Variants in AKAP13 observed in about 807,000 individuals in gnomAD.
AKAP13 encodes the protein A-kinase anchor protein 13.
AKAP13 carries 80 observed loss-of-function variants against 264.5 expected under a neutral mutation model. The observed-to-expected ratio is 0.30, with a 90% CI of 0.25 to 0.36. The LOEUF (loss-of-function observed/expected upper bound fraction) is 0.36. Ranked by LOEUF, AKAP13 falls within the 10% of genes least tolerant of loss-of-function variation. AKAP13 has a pLI of 1.00. For synonymous variants in AKAP13, 1,380 were observed against 1,250.2 expected, an observed-to-expected ratio of 1.10 and a Z score of -2.19; for missense variants, 3,712 against 3,435.2, an observed-to-expected ratio of 1.08 and a Z score of -2.01.
In AKAP13 at chr15:85,543,808, T is replaced by C. The variant is rs753993449; in HGVS notation, c.515T>C (p.Val172Ala). ...CGAGAGACATTGATGCATTTTGCTG[T>C]GCGGCTGGGACTGCTGAGGTTGACG... ...GPRETLMHFA[V>A]RLGLLRLTWF... Residue 172 changes from valine (V) to alanine (A), a missense_variant, in exon 5 of 37, where the codon GTG (valine) becomes GCG (alanine). Physicochemically the swap from Val to Ala is moderately conservative, Grantham distance 64. Transcript: ENST00000394518. 19 of 1,613,440 alleles carry C rather than the reference T, an allele frequency of 1.2e-5. No individual in the cohort carries two copies. Among genetic ancestry groups the C allele is most frequent in the African/African-American group, 9.3e-5 (7 of 74,902 alleles).
At chr15:85,384,382 G>C (rs1415780326) in intron 1 of AKAP13, among the ~76,000 whole-genome samples, 1 of 152,202 alleles carries the variant, frequency 6.6e-6, no homozygotes, top group African/African-American at 2.4e-5. Flanking sequence ...CTGTCTTACT[G>C]CTGTAAATGG....
intron 2 of AKAP13, among the ~76,000 whole-genome samples, chr15:85,503,120 G>A (rs1477095597): frequency 1.3e-5 from 2 of 152,138 alleles, no homozygotes; most frequent in Non-Finnish European, 2.9e-5. Context: ...TTATGTCGTG[G>A]TAAGGGGATT....
chr15:85,710,623 C>T lies in AKAP13; in HGVS notation c.5577C>T (p.Pro1859=). 1 of 1,613,864 alleles carries T rather than the reference C, an allele frequency of 6.2e-7. No individual in the cohort carries two copies. The highest frequency in any genetic ancestry group is 1.1e-5 in the South Asian group (1 of 91,048). Residue 1859 remains proline, a synonymous_variant, in exon 19 of 37, where the codon CCC becomes CCT. Transcript: ENST00000394518. The part of the protein sequence containing the change: ...SLQAHDTSSL[P]TVIMRNKPSQ... ...AGGCACATGACACATCATCACTGCC[C>T]ACGGTCATTATGAGAAACAAGCGTA... is the stretch of plus-strand genomic sequence containing the variant.
chr15:85,690,254 G>A (rs902742538), intron 16 of AKAP13: 1 of 152,212 alleles, frequency 6.6e-6, no homozygotes, highest in Non-Finnish European at 1.5e-5. Flanking sequence ...GGTTTGAAGA[G>A]CATTGCAAGG....
intron 5 of AKAP13, among the ~76,000 whole-genome samples, chr15:85,552,735 C>A (rs2078003265): frequency 6.8e-6 from 1 of 146,616 alleles, no homozygotes; most frequent in African/African-American, 2.5e-5. Context: ...TCAAGTGATT[C>A]TTTTGCCTCA....
At position 85,581,978 on chromosome 15, in the gene AKAP13, C is replaced by T. The variant is rs1381218531; in HGVS notation, c.3910C>T (p.Pro1304Ser). Residue 1304 changes from proline (P) to serine (S), a missense_variant, in exon 7 of 37, where the codon CCA (proline) becomes TCA (serine). This residue lies in a region of AKAP13 where 2,759 missense variants were observed against 2,411.7 expected (regional missense o/e 1.14). Coordinates refer to ENST00000394518, the MANE Select transcript of AKAP13 (RefSeq NM_007200.5). ...TTTTACAGAAAAAGTGAGTACTTTCCCACCTGGGGAGAGCCTACCAATGGG... is the reference window on the plus strand; with the variant it reads ...TTTTACAGAAAAAGTGAGTACTTTCTCACCTGGGGAGAGCCTACCAATGGG... ...SAFTEKVSTF[P>S]PGESLPMGST... is the part of the protein sequence containing the mutation. 1.9e-6 allele frequency: 3 copies of T among 1,614,156 alleles called. No homozygotes were observed. In the South Asian group the frequency reaches 3.3e-5, roughly 18 times the overall value.
chr15:85,684,966 T>C, intron 16 of AKAP13, 93 bp downstream of exon 16: 1 of 1,379,472 alleles, frequency 7.2e-7, no homozygotes. Flanking sequence ...CATGGGGACA[T>C]AAATGGAAAT....
chr15:85,433,895 T>G (rs1352687017), intron 1 of AKAP13, among the ~76,000 whole-genome samples: 2 of 151,848 alleles, frequency 1.3e-5, no homozygotes, highest in East Asian at 3.9e-4. Context: ...GAGCCGAGAT[T>G]GTGCCATTGC....
chr15:85,566,547 C>A (rs1193334551), intron 5 of AKAP13, among the ~76,000 whole-genome samples: 1 of 149,330 alleles, frequency 6.7e-6, no homozygotes, highest in East Asian at 1.9e-4. Flanking sequence ...ATTGAATGGT[C>A]TTTTAATATT....
intron 3 of AKAP13, among the ~76,000 whole-genome samples, chr15:85,527,440 G>A (rs1185887527): frequency 1.3e-5 from 2 of 152,154 alleles, no homozygotes; most frequent in African/African-American, 4.8e-5. Context: ...ACAAATTTGT[G>A]GTATATCTGT....
chr15:85,590,582 T>A (rs576157407), intron 8 of AKAP13, among the ~76,000 whole-genome samples: 1 of 152,234 alleles, frequency 6.6e-6, no homozygotes, highest in African/African-American at 2.4e-5. Flanking sequence ...AACACAGGTA[T>A]GTGTTAAATG....
intron 1 of AKAP13, among the ~76,000 whole-genome samples, chr15:85,472,622 A>G (rs1013990192): frequency 2.6e-5 from 4 of 152,204 alleles, no homozygotes; most frequent in Non-Finnish European, 5.9e-5. Context: ...AGTTGAGACT[A>G]TAGGTGTGCA....
intron 1 of AKAP13, among the ~76,000 whole-genome samples, chr15:85,434,630 C>G (rs1191719371): frequency 0.012 from 1,745 of 150,978 alleles, 32 homozygotes; most frequent in African/African-American, 0.039. Flanking sequence ...ATCTGAGAAC[C>G]GGCAGACTGC....
chr15:85,677,742 C>T (rs574065623), intron 14 of AKAP13, among the ~76,000 whole-genome samples: 30 of 151,198 alleles, frequency 2.0e-4, no homozygotes, highest in African/African-American at 7.0e-4. Context: ...TCACGCCATT[C>T]TTCTGCCTCA....
chr15:85,579,225 C>T lies in AKAP13; in HGVS notation c.1157C>T (p.Ala386Val). 6.2e-7 allele frequency: 1 copy of T among 1,614,192 alleles called. No homozygotes were observed. Among genetic ancestry groups the T allele is most frequent in the Non-Finnish European group, 8.5e-7 (1 of 1,180,028 alleles). ...AGAAAAGGGGAAGAGGTGGAGCCAG[C>T]ACCTATTGTGGACTCTGGAACTGTA... Reference protein sequence around the residue: ...VERKGEEVEPAPIVDSGTVSD... With the variant: ...VERKGEEVEPVPIVDSGTVSD... Residue 386 changes from alanine (A) to valine (V), a missense_variant, in exon 7 of 37, where the codon GCA becomes GTA. Ala to Val is a moderately conservative substitution (Grantham distance 64). Coordinates refer to ENST00000394518, the MANE Select transcript of AKAP13 (RefSeq NM_007200.5).
intron 29 of AKAP13, among the ~76,000 whole-genome samples, chr15:85,729,760 A>C (rs966722872): frequency 6.6e-6 from 1 of 152,020 alleles, no homozygotes; most frequent in African/African-American, 2.4e-5. Flanking sequence ...AACATGGTGA[A>C]ACACCATCTC....
rs541182219 is a variant in AKAP13 at position 85,605,152 on chromosome 15, T to C, written c.4161+19329T>C. 3.0e-4 allele frequency among the ~76,000 whole-genome samples: 46 copies of C among 152,330 alleles called. 2 individuals are homozygous for C. The highest frequency in any genetic ancestry group is 4.6e-4 in the Admixed American group (7 of 15,298). On this transcript the variant is annotated intron_variant, in intron 8 of 36. Coordinates refer to ENST00000394518, the MANE Select transcript of AKAP13 (RefSeq NM_007200.5). ...GCTTCTGAGCCATTAAACACACACA[T>C]ACATCCCGTTATTTTTTGAGAAATT...
chr15:85,649,515 G>GA (rs2082708434), intron 10 of AKAP13, among the ~76,000 whole-genome samples: 2 of 152,186 alleles, frequency 1.3e-5, no homozygotes, highest in African/African-American at 4.8e-5. Flanking sequence ...ATCTGTAGGC[G>GA]AGACATTGCA....
At chr15:85,677,298 G>T (rs1184326129) in intron 14 of AKAP13, among the ~76,000 whole-genome samples, 1 of 152,080 alleles carries the variant, frequency 6.6e-6, no homozygotes, top group Non-Finnish European at 1.5e-5. Context: ...TAGTACTAAC[G>T]CTGAGCTACT....
Sources: allele counts gnomAD v4.1 joint callset (sites outside exome capture counted in the v4.1 genomes callset), GRCh38; gene constraint gnomAD v4.1.1; regional missense constraint gnomAD v4.1.1; transcripts MANE v1.5; gene names NCBI Gene and HGNC (gene_info 2026-07-23, HGNC 2026-07-21).